Variants in EYA2 observed in about 807,000 individuals in gnomAD.
EYA2 encodes the protein EYA transcriptional coactivator and phosphatase 2.
A neutral mutation model predicts 69.2 loss-of-function variants in EYA2; 31 were observed. The ratio of observed to expected loss-of-function variants is 0.45; its 90% CI spans 0.34 to 0.60. The LOEUF is 0.60. Ranked by LOEUF, EYA2 falls within the 20% of genes least tolerant of loss-of-function variation. The pLI, the probability that EYA2 is intolerant of heterozygous loss-of-function variation, is 0.02. For synonymous variants in EYA2, 257 were observed against 279.4 expected (o/e 0.92, Z 0.80); for missense variants, 622 against 701.2 (o/e 0.89, Z 1.28).
chr20:46,901,476 C>T (rs924748961), intron 1 of EYA2: 1 of 152,184 alleles, frequency 6.6e-6, no homozygotes, highest in Admixed American at 6.5e-5. Flanking sequence ...AGTCAGAGAG[C>T]GTGTCCACCA....
At chr20:47,154,197 G>A (rs1263132888) in intron 10 of EYA2, among the ~76,000 whole-genome samples, 3 of 151,894 alleles carry the variant, frequency 2.0e-5, no homozygotes, top group East Asian at 2.0e-4. Flanking sequence ...GTCTTCACCC[G>A]GCCTTTCCTC....
Position 47,016,412 on chromosome 20 carries a change from A to G in EYA2, c.415+115A>G, listed in dbSNP as rs978095288. 25 of 767,678 alleles carry G rather than the reference A, an allele frequency of 3.3e-5. No individual in the cohort carries two copies. The African/African-American group carries it at 3.8e-4, about 12-fold the overall frequency. The allele number at this position is 767,678 out of a possible 1,614,324, so 47.6% of individuals were successfully genotyped here. On this transcript the variant is annotated intron_variant, in intron 5 of 15. Transcript: ENST00000327619. ...GAGCACCTACTATGTGCCAGGCTCT[A>G]TCTCGAGGAGTGGAGAAAATAGATA... is the stretch of plus-strand genomic sequence containing the variant.
At chr20:46,975,759 A>T (rs958719430) in intron 1 of EYA2, among the ~76,000 whole-genome samples, 1 of 152,204 alleles carries the variant, frequency 6.6e-6, no homozygotes, top group Non-Finnish European at 1.5e-5. Context: ...TACTGAAAAT[A>T]CAAAAATTAG....
chr20:47,146,981 T>G (rs1253973672), intron 10 of EYA2, among the ~76,000 whole-genome samples: 1 of 150,950 alleles, frequency 6.6e-6, no homozygotes, highest in Non-Finnish European at 1.5e-5. Flanking sequence ...ACCAAGAGAG[T>G]CAGGGAGGAG....
At chr20:47,097,540 T>G (rs533800605) in intron 9 of EYA2, among the ~76,000 whole-genome samples, 56 of 152,360 alleles carry the variant, frequency 3.7e-4, no homozygotes, top group Admixed American at 9.8e-4. Flanking sequence ...CTGTTGTTTA[T>G]CCTAGTGTCT....
At position 47,188,236 on chromosome 20, in the gene EYA2, A is replaced by C. The variant is rs950135466; in HGVS notation, c.*103A>C. 10 of 1,160,730 alleles carry C rather than the reference A, an allele frequency of 8.6e-6. No homozygotes were observed. In the African/African-American group the frequency reaches 1.5e-4, roughly 18 times the overall value. 71.9% of individuals were successfully genotyped at this position (1,160,730 alleles called of 1,614,324 possible). ...GAGACCCAGATGTTGGACACCAGGA[A>C]GGGGCCCCACAGCCGAGACGACGTG... On this transcript the variant is annotated 3_prime_UTR_variant, in exon 16 of 16. Transcript: ENST00000327619.
intron 12 of EYA2, among the ~76,000 whole-genome samples, chr20:47,174,600 C>G (rs1378119828): frequency 6.6e-6 from 1 of 152,222 alleles, no homozygotes; most frequent in Non-Finnish European, 1.5e-5. Flanking sequence ...GGCTGCGGTG[C>G]TAATGCAGCC....
intron 4 of EYA2, among the ~76,000 whole-genome samples, chr20:47,011,630 CCTTCGGGTGTCCACAAGT>C (rs11269619): frequency 0.45 from 68,478 of 151,588 alleles, 17,460 homozygotes; most frequent in Non-Finnish European, 0.6. Context: ...GACAGGTATT[CCTTCGGGTGTCCACAAGT>C]CTTGCTCCTT....
chr20:46,948,690 G>A (rs16992100), intron 1 of EYA2, among the ~76,000 whole-genome samples: 1,864 of 152,088 alleles, frequency 0.012, 37 homozygotes, highest in African/African-American at 0.042. Context: ...AGGTTGCCTG[G>A]AAAAAAACAA....
intron 9 of EYA2, among the ~76,000 whole-genome samples, chr20:47,101,598 C>G (rs1460824233): frequency 6.6e-6 from 1 of 152,144 alleles, no homozygotes; most frequent in Non-Finnish European, 1.5e-5. Flanking sequence ...GGACAACTAG[C>G]AATTTCTAGC....
chr20:47,155,145 C>T (rs1332248667), intron 10 of EYA2, among the ~76,000 whole-genome samples: 2 of 151,892 alleles, frequency 1.3e-5, no homozygotes, highest in African/African-American at 2.4e-5. Flanking sequence ...CGTGAGCCGC[C>T]GCACCTGGCC....
chr20:47,091,976 GC>G (rs2032100810), intron 8 of EYA2, among the ~76,000 whole-genome samples: 2 of 152,116 alleles, frequency 1.3e-5, no homozygotes. Context: ...TTAATTGACA[GC>G]CCCACCAAAA....
At chr20:47,137,137 A>AT (rs34443601) in intron 9 of EYA2, among the ~76,000 whole-genome samples, 10 of 151,756 alleles carry the variant, frequency 6.6e-5, no homozygotes, top group African/African-American at 1.9e-4. Flanking sequence ...GTTTAAATTG[A>AT]TTTTTTTTAA....
chr20:47,045,688 T>C lies in EYA2; in HGVS notation c.416-26497T>C, dbSNP rs140437652. 3.2e-4 allele frequency among the ~76,000 whole-genome samples: 48 copies of C among 152,366 alleles called. No homozygotes were observed. In the East Asian group the frequency reaches 9.0e-3, roughly 29 times the overall value. ...CCGTCTACATGAGCAATGGAATTGC[T>C]ATGGAACCAAGAGAACTTTTGTCAG... On this transcript the variant is annotated intron_variant, in intron 5 of 15. Transcript: ENST00000327619.
intron 5 of EYA2, among the ~76,000 whole-genome samples, chr20:47,064,937 A>G (rs1568755533): frequency 6.6e-6 from 1 of 152,188 alleles, no homozygotes; most frequent in African/African-American, 2.4e-5. Context: ...TTTATAAAGG[A>G]AGGAGGTTTA....
chr20:47,050,279 T>C (rs2030264529), intron 5 of EYA2, among the ~76,000 whole-genome samples: 1 of 152,294 alleles, frequency 6.6e-6, no homozygotes, highest in South Asian at 2.1e-4. Flanking sequence ...ATGCTTTCTG[T>C]ATGTAGCGAG....
chr20:47,186,545 G>A (rs2034646832), intron 15 of EYA2, among the ~76,000 whole-genome samples: 1 of 151,752 alleles, frequency 6.6e-6, no homozygotes, highest in African/African-American at 2.4e-5. Context: ...TTTTAGTAGA[G>A]ATGGGGTTTC....
intron 9 of EYA2, among the ~76,000 whole-genome samples, chr20:47,137,252 G>A (rs1164475509): frequency 6.6e-6 from 1 of 152,174 alleles, no homozygotes; most frequent in Non-Finnish European, 1.5e-5. Flanking sequence ...TTTCATGTAA[G>A]TGGCATGTTA....
chr20:46,954,061 T>C (rs1978970705), intron 1 of EYA2, among the ~76,000 whole-genome samples: 1 of 152,198 alleles, frequency 6.6e-6, no homozygotes, highest in Non-Finnish European at 1.5e-5. Context: ...TCCAGCTCAT[T>C]TCCATCCCAG....
Sources: gnomAD v4.1 joint callset for allele counts (sites outside exome capture counted in the v4.1 genomes callset) on GRCh38, gnomAD v4.1.1 for gene constraint, MANE v1.5 for transcripts, NCBI Gene and HGNC (gene_info 2026-07-23, HGNC 2026-07-21) for gene names.